Variants in EYS observed in about 807,000 individuals in gnomAD.
EYS encodes protein eyes shut homolog.
Under a neutral mutation model 282.1 loss-of-function variants are expected in EYS, and 250 were observed. That is an observed-to-expected ratio of 0.89 (90% CI 0.80 to 0.98). EYS has a LOEUF of 0.98. Ranked by LOEUF, EYS falls within the 50% of genes least tolerant of loss-of-function variation. The pLI, the probability that EYS is intolerant of heterozygous loss-of-function variation, is 0.00. For missense variants in EYS, 4,016 were observed against 3,709.0 expected, an observed-to-expected ratio of 1.08 and a Z score of -2.15; for synonymous variants, 1,355 against 1,282.9, an observed-to-expected ratio of 1.06 and a Z score of -1.20.
chr6:65,167,187 GA>G lies in EYS; in HGVS notation c.2024-109461del, dbSNP rs372432548. Among the ~76,000 whole-genome samples the G allele has an allele frequency of 2.0e-3, 299 of 151,182 alleles. 2 individuals are homozygous for G. The highest frequency in any genetic ancestry group is 6.9e-3 in the African/African-American group (286 of 41,394). On this transcript the variant is annotated intron_variant, in intron 12 of 42. Coordinates refer to ENST00000503581, the MANE Select transcript of EYS (RefSeq NM_001142800.2). ...ATACAGCATAGCAATTTTATCCTAAGAAAAATGACAACATATACCCACACAA... is the reference window on the plus strand; with the variant it reads ...ATACAGCATAGCAATTTTATCCTAAGAAAATGACAACATATACCCACACAA...
At chr6:63,890,995 G>T (rs138904779) in intron 35 of EYS, among the ~76,000 whole-genome samples, 1,941 of 152,240 alleles carry the variant, frequency 0.013, 14 homozygotes, top group Non-Finnish European at 0.022. Context: ...TAGAAGGAAT[G>T]GATAAATTCC....
chr6:65,022,408 G>T (rs1215357335), intron 13 of EYS, among the ~76,000 whole-genome samples: 1 of 152,000 alleles, frequency 6.6e-6, no homozygotes, highest in Non-Finnish European at 1.5e-5. Context: ...GGTGTTAGGT[G>T]GATTTTAAGC....
At chr6:64,465,162 A>G (rs1775876809) in intron 26 of EYS, among the ~76,000 whole-genome samples, 1 of 152,114 alleles carries the variant, frequency 6.6e-6, no homozygotes, top group Non-Finnish European at 1.5e-5. Context: ...TGAAGAGTAA[A>G]CATTGTTTAA....
intron 5 of EYS, among the ~76,000 whole-genome samples, chr6:65,472,552 A>G (rs149601355): frequency 2.4e-4 from 36 of 152,148 alleles, no homozygotes; most frequent in Admixed American, 5.9e-4. Context: ...ATGACTTACA[A>G]ATTATTTGGA....
intron 42 of EYS, among the ~76,000 whole-genome samples, chr6:63,722,100 G>C (rs554186388): frequency 1.3e-5 from 2 of 152,184 alleles, no homozygotes; most frequent in South Asian, 2.1e-4. Flanking sequence ...TGTTCCTTAT[G>C]ATACCATTTA....
intron 30 of EYS, among the ~76,000 whole-genome samples, chr6:64,240,206 CT>C (rs1285163455): frequency 6.6e-6 from 1 of 152,098 alleles, no homozygotes; most frequent in Non-Finnish European, 1.5e-5. Context: ...CAGGCTTGTT[CT>C]TTTTGCTTCG....
At chr6:65,534,289 T>C (rs926668098) in intron 2 of EYS, among the ~76,000 whole-genome samples, 1 of 152,130 alleles carries the variant, frequency 6.6e-6, no homozygotes, top group Non-Finnish European at 1.5e-5. Flanking sequence ...AAAATCACTA[T>C]GATAATACAA....
At chr6:64,640,384 T>A (rs563085178) in intron 22 of EYS, among the ~76,000 whole-genome samples, 1 of 152,162 alleles carries the variant, frequency 6.6e-6, no homozygotes, top group Non-Finnish European at 1.5e-5. Context: ...GAATACTATA[T>A]ACAGCCATAA....
At chr6:64,441,226 G>A (rs1774933903) in intron 26 of EYS, among the ~76,000 whole-genome samples, 1 of 152,126 alleles carries the variant, frequency 6.6e-6, no homozygotes, top group Non-Finnish European at 1.5e-5. Flanking sequence ...TGTCCTAACT[G>A]AAGAGGACCA....
chr6:64,311,738 G>A (rs1769712826), intron 29 of EYS, among the ~76,000 whole-genome samples: 1 of 152,164 alleles, frequency 6.6e-6, no homozygotes, highest in African/African-American at 2.4e-5. Context: ...AAGCAGGATG[G>A]GGTGTCAGCT....
chr6:65,705,219 A>G (rs974221560), intron 1 of EYS, among the ~76,000 whole-genome samples: 1 of 152,212 alleles, frequency 6.6e-6, no homozygotes, highest in Non-Finnish European at 1.5e-5. Flanking sequence ...GGGCACTCAC[A>G]GGGAGCAATT....
intron 36 of EYS, chr6:63,822,536 G>A (rs1771350938): frequency 6.6e-6 from 1 of 152,092 alleles, no homozygotes; most frequent in East Asian, 1.9e-4. Flanking sequence ...TCATTTGAGG[G>A]GAAAAAGGAT....
chr6:63,893,430 A>T (rs1773457897), intron 35 of EYS, among the ~76,000 whole-genome samples: 1 of 152,282 alleles, frequency 6.6e-6, no homozygotes, highest in East Asian at 1.9e-4. Flanking sequence ...CTGTGCAGGG[A>T]CAAGGATGAG....
intron 5 of EYS, among the ~76,000 whole-genome samples, chr6:65,418,557 T>A (rs1199866856): frequency 1.3e-5 from 2 of 152,046 alleles, no homozygotes; most frequent in Non-Finnish European, 2.9e-5. Context: ...AGGAATGAGA[T>A]CATGTCCTTT....
At chr6:65,448,773 T>C (rs1278225812) in intron 5 of EYS, among the ~76,000 whole-genome samples, 1 of 152,102 alleles carries the variant, frequency 6.6e-6, no homozygotes, top group Non-Finnish European at 1.5e-5. Context: ...ATGCAATGTT[T>C]TTGGTAATTT....
intron 14 of EYS, 21 bp from the exon 15 acceptor site, chr6:64,945,935 A>G: frequency 1.3e-6 from 2 of 1,529,760 alleles, no homozygotes; most frequent in South Asian, 1.2e-5. Flanking sequence ...ATGAAATTAT[A>G]TATTTTTAGG....
At chr6:63,952,680 T>A (rs965431395) in intron 35 of EYS, among the ~76,000 whole-genome samples, 16 of 152,134 alleles carry the variant, frequency 1.1e-4, no homozygotes, top group Non-Finnish European at 1.9e-4. Flanking sequence ...CCCTGACTAT[T>A]CCTAGGCTAC....
At chr6:64,379,400 A>G (rs966673887) in intron 29 of EYS, among the ~76,000 whole-genome samples, 1 of 152,152 alleles carries the variant, frequency 6.6e-6, no homozygotes, top group African/African-American at 2.4e-5. Flanking sequence ...GTTTTACTTT[A>G]CCCATTTTTC....
At chr6:64,389,741 A>C (rs1253538895) in intron 28 of EYS, among the ~76,000 whole-genome samples, 3 of 152,184 alleles carry the variant, frequency 2.0e-5, no homozygotes. Flanking sequence ...ATCCTTTTCA[A>C]AATAATAGTA....
Sources: allele counts gnomAD v4.1 joint callset (sites outside exome capture counted in the v4.1 genomes callset), GRCh38; gene constraint gnomAD v4.1.1; transcripts MANE v1.5; gene names NCBI Gene and HGNC (gene_info 2026-07-23, HGNC 2026-07-21).